The following ENTPD1 variants were observed in gnomAD, a reference collection of about 807,000 sequenced individuals.
ENTPD1 encodes ectonucleoside triphosphate diphosphohydrolase 1, also known as ATP diphosphohydrolase.
Under a neutral mutation model 57.0 loss-of-function variants are expected in ENTPD1, and 33 were observed. The ratio of observed to expected loss-of-function variants is 0.58; its 90% CI spans 0.44 to 0.77. The LOEUF (loss-of-function observed/expected upper bound fraction) is 0.77. Ranked by LOEUF, ENTPD1 falls within the 30% of genes least tolerant of loss-of-function variation. The probability of loss-of-function intolerance (pLI) is 0.00; values close to 1 mark genes in which losing one functional copy is unlikely to be tolerated. For synonymous variants in ENTPD1, 202 were observed against 218.8 expected (o/e 0.92, Z 0.68); for missense variants, 501 against 603.4 (o/e 0.83, Z 1.78).
At chr10:95,856,671 TAC>T (rs1555305848) in intron 7 of ENTPD1, among the ~76,000 whole-genome samples, 2 of 146,778 alleles carry the variant, frequency 1.4e-5, no homozygotes, top group African/African-American at 2.5e-5. Context: ...TATATATATA[TAC>T]ACACACATAA....
rs2098484714 is a variant in ENTPD1 at position 95,875,409 on chromosome 10, G to A, written c.*9026G>A. On this transcript the variant is annotated 3_prime_UTR_variant, in exon 10 of 10. Coordinates refer to ENST00000371205, the MANE Select transcript of ENTPD1 (RefSeq NM_001776.6). ...CACCTTTACTTCAGTTCCCAACAAGGTCTTCATCTCCATCTGAGACCACCT... is the reference window on the plus strand; with the variant it reads ...CACCTTTACTTCAGTTCCCAACAAGATCTTCATCTCCATCTGAGACCACCT... 6.6e-6 allele frequency: 1 copy of A among 152,332 alleles called. No individual in the cohort carries two copies. Among genetic ancestry groups the A allele is most frequent in the Non-Finnish European group, 1.5e-5 (1 of 68,210 alleles). The allele number at this position is 152,332 out of a possible 1,614,324, so 9.4% of individuals were successfully genotyped here. A position where few individuals can be genotyped will look rare whatever the true frequency, so the allele number is the denominator to read the frequency against.
intron 1 of ENTPD1, among the ~76,000 whole-genome samples, chr10:95,762,705 A>T (rs2098070942): frequency 6.6e-6 from 1 of 152,178 alleles, no homozygotes; most frequent in Non-Finnish European, 1.5e-5. Flanking sequence ...TGAGGACAGG[A>T]TCCCAGAAAT....
At chr10:95,780,389 C>A (rs1359484105) in intron 1 of ENTPD1, among the ~76,000 whole-genome samples, 1 of 152,180 alleles carries the variant, frequency 6.6e-6, no homozygotes, top group African/African-American at 2.4e-5. Flanking sequence ...TGATTCAAAT[C>A]ACTGCACACA....
Position 95,868,314 on chromosome 10 carries a change from A to G in ENTPD1, c.*1931A>G. On this transcript the variant is annotated 3_prime_UTR_variant, in exon 10 of 10. Transcript: ENST00000371205. ...TCCACATGAATACAAGGTTCATGGG[A>G]CTTGGTATTCATAGAAAGGGAGGCA... 1.0e-6 allele frequency: 1 copy of G among 985,402 alleles called. No individual in the cohort carries two copies. The highest frequency in any genetic ancestry group is 1.2e-6 in the Non-Finnish European group (1 of 829,926). 61.0% of individuals were successfully genotyped at this position (985,402 alleles called of 1,614,324 possible).
At chr10:95,787,259 C>A (rs762804212) in intron 1 of ENTPD1, among the ~76,000 whole-genome samples, 2 of 152,076 alleles carry the variant, frequency 1.3e-5, no homozygotes, top group Non-Finnish European at 2.9e-5. Flanking sequence ...CGTAGTATTC[C>A]AAGCTTTATT....
Position 95,876,311 on chromosome 10 carries a change from G to A in ENTPD1, c.*9928G>A, listed in dbSNP as rs1365817934. On this transcript the variant is annotated 3_prime_UTR_variant, in exon 10 of 10. Coordinates refer to ENST00000371205, the MANE Select transcript of ENTPD1 (RefSeq NM_001776.6). ...TAATTATGAAATGACTTTTGGCCTA[G>A]TAACAATGAAAATGGGGGCAAATAC... 7.4e-5 allele frequency: 73 copies of A among 984,850 alleles called. No individual in the cohort carries two copies. The highest frequency in any genetic ancestry group is 8.7e-5 in the Non-Finnish European group (72 of 829,548). 61.0% of individuals were successfully genotyped at this position (984,850 alleles called of 1,614,324 possible). A position where few individuals can be genotyped will look rare whatever the true frequency, so the allele number is the denominator to read the frequency against.
chr10:95,828,360 C>A (rs1388176375), intron 2 of ENTPD1, among the ~76,000 whole-genome samples: 1 of 152,144 alleles, frequency 6.6e-6, no homozygotes, highest in Non-Finnish European at 1.5e-5. Flanking sequence ...CAAGCTCAGG[C>A]CTCCTATTGA....
chr10:95,719,325 T>C (rs2097975015), intron 1 of ENTPD1, among the ~76,000 whole-genome samples: 2 of 152,236 alleles, frequency 1.3e-5, no homozygotes, highest in Non-Finnish European at 1.5e-5. Context: ...GGGCCTTCTT[T>C]AGGGCCTGGA....
chr10:95,694,275 G>T, the ENTPD1 span: 1 of 280,598 alleles, frequency 3.6e-6, no homozygotes. Context: ...AAACCCCAGA[G>T]GCCGGAACTA....
intron 3 of ENTPD1, among the ~76,000 whole-genome samples, chr10:95,840,403 G>C (rs1208507988): frequency 6.6e-6 from 1 of 152,186 alleles, no homozygotes; most frequent in Non-Finnish European, 1.5e-5. Flanking sequence ...AATCTGTCTG[G>C]TTCAGAGATT....
chr10:95,846,007 G>GA (rs61643094), intron 6 of ENTPD1: 69,995 of 155,114 alleles, frequency 0.45, 15,006 homozygotes, highest in Admixed American at 0.55. Context: ...AGAGGAGAAG[G>GA]AAAAAAAAAA....
chr10:95,712,107 G>A, intron 1 of ENTPD1: 1 of 1,477,480 alleles, frequency 6.8e-7, no homozygotes, highest in Admixed American at 1.9e-5. Context: ...CTTGATTAAT[G>A]AGAAAAAAGG....
chr10:95,773,146 C>T (rs964669006), intron 1 of ENTPD1, among the ~76,000 whole-genome samples: 9 of 152,228 alleles, frequency 5.9e-5, no homozygotes, highest in Non-Finnish European at 1.3e-4. Context: ...AGAGTTCACT[C>T]ACCCCCAAAG....
Position 95,864,802 on chromosome 10 carries a change from C to G in ENTPD1, c.1267C>G (p.Leu423Val). ...CFSGTYILSLLLQGYHFTADS... is the reference protein window; with the variant it reads ...CFSGTYILSLVLQGYHFTADS... ...TTCTGGTACCTACATTCTCTCCCTC[C>G]TTCTGCAAGGCTATCATTTCACAGC... The change falls in exon 9 of 10, where the codon CTT becomes GTT. Residue 423 changes from leucine to valine, a missense_variant. Physicochemically the swap from Leu to Val is conservative, Grantham distance 32. Coordinates refer to ENST00000371205, the MANE Select transcript of ENTPD1 (RefSeq NM_001776.6). 6.2e-7 allele frequency: 1 copy of G among 1,614,058 alleles called. No homozygotes were observed. The highest frequency in any genetic ancestry group is 2.2e-5 in the East Asian group (1 of 44,880).
rs778710094 is a variant in ENTPD1 at position 95,847,675 on chromosome 10, T to A, written c.1043T>A (p.Ile348Asn). ...TACTCCCAGTGTGCCTTCAATGGGA[T>A]TTTCTTGCCACCACTCCAGGGGGAT... ...CPYSQCAFNG[I>N]FLPPLQGDFG... Residue 348 changes from isoleucine to asparagine, a missense_variant, in exon 7 of 10, where the codon ATT becomes AAT. By Grantham distance (149) the Ile-to-Asn change is moderately radical. Coordinates refer to ENST00000371205, the MANE Select transcript of ENTPD1 (RefSeq NM_001776.6). 6 of 1,614,044 alleles carry A rather than the reference T, an allele frequency of 3.7e-6. No homozygotes were observed. Among genetic ancestry groups the A allele is most frequent in the Non-Finnish European group, 5.1e-6 (6 of 1,180,026 alleles).
chr10:95,712,990 C>T (rs1349962884), intron 1 of ENTPD1, among the ~76,000 whole-genome samples: 1 of 149,884 alleles, frequency 6.7e-6, no homozygotes, highest in African/African-American at 2.5e-5. Context: ...GCAGAGATTG[C>T]GCCGCTGCAC....
At chr10:95,717,551 G>A (rs558557354) in intron 1 of ENTPD1, among the ~76,000 whole-genome samples, 1 of 152,228 alleles carries the variant, frequency 6.6e-6, no homozygotes, top group East Asian at 1.9e-4. Context: ...ATTCTAGCGA[G>A]CCCTCTTTAC....
intron 1 of ENTPD1, among the ~76,000 whole-genome samples, chr10:95,717,850 G>C (rs1032590527): frequency 5.9e-5 from 9 of 152,186 alleles, no homozygotes; most frequent in Non-Finnish European, 1.0e-4. Flanking sequence ...GGGCTAGCAG[G>C]CCGGTCCAGG....
At chr10:95,707,874 G>T (rs1260290782), upstream of ENTPD1, among the ~76,000 whole-genome samples, 1 of 152,144 alleles carries the variant, frequency 6.6e-6, no homozygotes, top group African/African-American at 2.4e-5. Context: ...CAAAGTGCTG[G>T]GATTACAGGT....
Sources: allele counts gnomAD v4.1 joint callset (sites outside exome capture counted in the v4.1 genomes callset), GRCh38; gene constraint gnomAD v4.1.1; transcripts MANE v1.5; gene names NCBI Gene and HGNC (gene_info 2026-07-23, HGNC 2026-07-21).